MID2: variants seen among roughly 807,000 people sequenced by gnomAD.
The protein encoded by MID2 is midline 2, also known as probable E3 ubiquitin-protein ligase MID2.
Under a neutral mutation model 46.1 loss-of-function variants are expected in MID2, and 13 were observed. The observed-to-expected ratio is 0.28, with a 90% CI of 0.18 to 0.45. The LOEUF (loss-of-function observed/expected upper bound fraction) is 0.45, where lower values mean the gene tolerates loss of function less well. MID2 is among the 20% of genes least tolerant of loss of function. MID2 has a pLI of 1.00. For missense variants in MID2, 431 were observed against 575.4 expected, an observed-to-expected ratio of 0.75 and a Z score of 2.57; for synonymous variants, 199 against 212.3, an observed-to-expected ratio of 0.94 and a Z score of 0.55.
At chrX:107,917,865 G>C (rs1932999063) in intron 7 of MID2, 126 bp downstream of exon 7, 1 of 551,358 alleles carries the variant, frequency 1.8e-6, no homozygotes, top group East Asian at 3.6e-5. Context: ...TTGCTGGGCA[G>C]TTGCTGGGGC....
Position 107,926,181 on chromosome X carries a change from C to G in MID2, c.1685C>G (p.Ser562Cys). 2 of 1,208,166 alleles carry G rather than the reference C, an allele frequency of 1.7e-6. No homozygotes were observed. Among genetic ancestry groups the G allele is most frequent in the Non-Finnish European group, 2.2e-6 (2 of 893,028 alleles). ...TTGCAGATGGAGAAGGATGAAAGCT[C>G]TCTAAAGAAGAGCCACACCCCAGAG... is the stretch of plus-strand genomic sequence containing the variant. ...DGLQMEKDES[S>C]LKKSHTPERF... is the part of the protein sequence containing the mutation. The change falls in exon 9 of 10, where the codon TCT becomes TGT. Residue 562 changes from serine to cysteine, a missense_variant. By Grantham distance (112) the Ser-to-Cys change is moderately radical (BLOSUM62 -1). Transcript: ENST00000262843.
chrX:107,921,389 C>T (rs780713256), intron 7 of MID2, among the ~76,000 whole-genome samples: 12 of 111,083 alleles, frequency 1.1e-4, no homozygotes, highest in Non-Finnish European at 2.1e-4. Context: ...GTCAAGATGT[C>T]GTCTGATTTA....
At chrX:107,877,694 T>G (rs112104008) in intron 3 of MID2, among the ~76,000 whole-genome samples, 2,083 of 111,919 alleles carry the variant, frequency 0.019, 52 homozygotes, top group African/African-American at 0.063. Context: ...GCTTTATCTA[T>G]GCCGTGGAGC....
intron 2 of MID2, among the ~76,000 whole-genome samples, chrX:107,846,541 A>C (rs1931483002): frequency 9.0e-6 from 1 of 111,033 alleles, no homozygotes; most frequent in South Asian, 4.0e-4. Context: ...CACATACAAT[A>C]TGTGTAAATC....
At chrX:107,838,687 A>G (rs1052737081) in intron 1 of MID2, among the ~76,000 whole-genome samples, 4 of 112,624 alleles carry the variant, frequency 3.6e-5, no homozygotes, top group Non-Finnish European at 5.6e-5. Context: ...GTATAATTGT[A>G]CTCAGTACTT....
At chrX:107,854,092 C>T (rs192892654) in intron 2 of MID2, among the ~76,000 whole-genome samples, 102 of 111,802 alleles carry the variant, frequency 9.1e-4, no homozygotes, top group Middle Eastern at 4.6e-3. Context: ...AAGTAATATG[C>T]GTTCAGTATG....
At chrX:107,914,275 A>C (rs949918263) in intron 5 of MID2, among the ~76,000 whole-genome samples, 1 of 112,144 alleles carries the variant, frequency 8.9e-6, no homozygotes, top group Non-Finnish European at 1.9e-5. Context: ...GGATGGAGGA[A>C]ATAAAGAAGA....
At chrX:107,859,669 C>T (rs949842763) in intron 3 of MID2, among the ~76,000 whole-genome samples, 4 of 112,571 alleles carry the variant, frequency 3.6e-5, no homozygotes, top group African/African-American at 1.3e-4. Flanking sequence ...GAGGAGGAAA[C>T]ACTCAGGCCT....
In MID2 at chrX:107,826,323, G is replaced by A. The variant is rs1930941671; in HGVS notation, c.-104G>A. On this transcript the variant is annotated 5_prime_UTR_variant, in exon 1 of 10. Transcript: ENST00000262843. ...TGGTAGCGGCGGCGGCGGCGACCGG[G>A]GCCCGGGAGCTCGCGCCGGAGCCCG... 3 of 991,970 alleles carry A rather than the reference G, an allele frequency of 3.0e-6. No individual in the cohort carries two copies. The highest frequency in any genetic ancestry group is 2.4e-5 in the South Asian group (1 of 41,087). 81.7% of individuals were successfully genotyped at this position (991,970 alleles called of 1,213,427 possible).
chrX:107,925,315 G>A (rs185520085), intron 8 of MID2, among the ~76,000 whole-genome samples: 6 of 111,684 alleles, frequency 5.4e-5, no homozygotes, highest in Admixed American at 2.9e-4. Flanking sequence ...GAAAAAGTTG[G>A]GAAAGGGTAA....
At chrX:107,890,753 C>A (rs954118926) in intron 3 of MID2, among the ~76,000 whole-genome samples, 1 of 111,773 alleles carries the variant, frequency 8.9e-6, no homozygotes, top group African/African-American at 3.3e-5. Flanking sequence ...CCTTGAGCTG[C>A]GGTGGGCTCC....
At chrX:107,859,039 CT>C (rs1217881714) in intron 3 of MID2, among the ~76,000 whole-genome samples, 10 of 111,626 alleles carry the variant, frequency 9.0e-5, no homozygotes, top group Non-Finnish European at 1.7e-4. Flanking sequence ...GCTTCATTCA[CT>C]TTTGGAAGTC....
chrX:107,904,141 G>C lies in MID2; in HGVS notation c.924+76G>C, dbSNP rs918159007. The C allele has an allele frequency of 2.7e-5, 19 of 703,421 alleles. No homozygotes were observed. The Admixed American group carries it at 4.7e-4, about 17-fold the overall frequency. 58.0% of individuals were successfully genotyped at this position (703,421 alleles called of 1,213,427 possible). ...TCAAAGTTTGATCCAGATGATTCTG[G>C]TTTGATCATGAAATCAAGAAGAAAT... On this transcript the variant is annotated intron_variant, in intron 4 of 9. Coordinates refer to ENST00000262843, the MANE Select transcript of MID2 (RefSeq NM_012216.4).
At chrX:107,859,368 T>C (rs1272345568) in intron 3 of MID2, among the ~76,000 whole-genome samples, 1 of 111,654 alleles carries the variant, frequency 9.0e-6, no homozygotes, top group African/African-American at 3.3e-5. Flanking sequence ...GTGAAATTAG[T>C]ATAATTGGAA....
rs139491118 is a variant in MID2, at chrX:107,864,726, A to G, written c.816+10022A>G. ...ATATAATACCACAATGACTGCAAAT[A>G]TATAGATTTCCTCAAAAAAGAGTGA... is the stretch of plus-strand genomic sequence containing the variant. On this transcript the variant is annotated intron_variant, in intron 3 of 9. Coordinates refer to ENST00000262843, the MANE Select transcript of MID2 (RefSeq NM_012216.4). Among the ~76,000 whole-genome samples, 36 of 112,372 alleles carry G rather than the reference A, an allele frequency of 3.2e-4. No individual in the cohort carries two copies. In the East Asian group the frequency reaches 9.8e-3, roughly 30 times the overall value.
At chrX:107,882,707 G>T (rs950077669) in intron 3 of MID2, among the ~76,000 whole-genome samples, 8 of 111,947 alleles carry the variant, frequency 7.1e-5, no homozygotes, top group Non-Finnish European at 1.1e-4. Flanking sequence ...GAACCAACAG[G>T]TGCTGGAGAG....
intron 1 of MID2, among the ~76,000 whole-genome samples, chrX:107,837,911 TTAAG>T (rs1175933302): frequency 8.9e-6 from 1 of 112,296 alleles, no homozygotes; most frequent in African/African-American, 3.2e-5. Context: ...TACTCCTAGT[TTAAG>T]TGATACTTCA....
At chrX:107,913,178 T>C (rs1932916716) in intron 5 of MID2, among the ~76,000 whole-genome samples, 1 of 112,118 alleles carries the variant, frequency 8.9e-6, no homozygotes, top group Non-Finnish European at 1.9e-5. Context: ...TTCACAAACA[T>C]GATATGCTAT....
At position 107,841,051 on chromosome X, in the gene MID2, C is replaced by T; in HGVS notation, c.386C>T (p.Thr129Ile). ...CGCCGGGAAAGGACTTACAGGCCCA[C>T]CACTGCCATGTCTAGCGAGCGAATT... Reference protein sequence around the residue: ...ESRRERTYRPTTAMSSERIAC... With the variant: ...ESRRERTYRPITAMSSERIAC... Residue 129 changes from threonine to isoleucine, a missense_variant, in exon 2 of 10, where the codon ACC (threonine) becomes ATC (isoleucine). Physicochemically the swap from Thr to Ile is moderately conservative, Grantham distance 89. Coordinates refer to ENST00000262843, the MANE Select transcript of MID2 (RefSeq NM_012216.4). 8.3e-7 allele frequency: 1 copy of T among 1,211,748 alleles called. No individual in the cohort carries two copies. Among genetic ancestry groups the T allele is most frequent in the Non-Finnish European group, 1.1e-6 (1 of 895,527 alleles).
Sources: allele counts gnomAD v4.1 joint callset (sites outside exome capture counted in the v4.1 genomes callset), GRCh38; gene constraint gnomAD v4.1.1; transcripts MANE v1.5; gene names NCBI Gene and HGNC (gene_info 2026-07-23, HGNC 2026-07-21).